Variants in DYSF observed in about 807,000 individuals in gnomAD.
The protein encoded by DYSF is dystrophy-associated fer-1-like 1.
A neutral mutation model predicts 274.9 loss-of-function variants in DYSF; 212 were observed. The observed-to-expected ratio is 0.77, with a 90% CI of 0.69 to 0.86. The LOEUF is 0.86. Ranked by LOEUF, DYSF falls within the 40% of genes least tolerant of loss-of-function variation. DYSF has a pLI of 0.00. For synonymous variants in DYSF, 1,091 were observed against 1,078.7 expected (o/e 1.01, Z -0.22); for missense variants, 2,666 against 2,783.2 (o/e 0.96, Z 0.95).
intron 42 of DYSF, among the ~76,000 whole-genome samples, chr2:71,646,195 A>G (rs183202281): frequency 1.3e-5 from 2 of 152,320 alleles, no homozygotes; most frequent in East Asian, 3.9e-4. Context: ...AAGAGACAGA[A>G]CTATTTGTGT....
chr2:71,575,159 G>A (rs1199423627), intron 30 of DYSF, among the ~76,000 whole-genome samples: 1 of 152,156 alleles, frequency 6.6e-6, no homozygotes, highest in Non-Finnish European at 1.5e-5. Context: ...GCACCTATCT[G>A]TAGGACAGCC....
chr2:71,579,162 C>T (rs532031971), intron 30 of DYSF, among the ~76,000 whole-genome samples: 5 of 152,256 alleles, frequency 3.3e-5, no homozygotes, highest in Admixed American at 6.5e-5. Flanking sequence ...CTGACGCCAC[C>T]GGCCTCTCTG....
intron 32 of DYSF, among the ~76,000 whole-genome samples, chr2:71,596,670 G>T (rs529941241): frequency 1.3e-5 from 2 of 152,262 alleles, no homozygotes; most frequent in Non-Finnish European, 2.9e-5. Context: ...AGGTAGGGGT[G>T]GGCAGTTCTC....
At chr2:71,679,803 A>G (rs1388581821) in intron 53 of DYSF, among the ~76,000 whole-genome samples, 1 of 152,224 alleles carries the variant, frequency 6.6e-6, no homozygotes, top group Non-Finnish European at 1.5e-5. Flanking sequence ...AGTGGTAACA[A>G]TAAGAAATAC....
Position 71,638,799 on chromosome 2 carries a change from A to G in DYSF, c.4528-5166A>G, listed in dbSNP as rs566052129. Among the ~76,000 whole-genome samples, 3 of 152,350 alleles carry G rather than the reference A, an allele frequency of 2.0e-5. No homozygotes were observed. The East Asian group carries it at 5.8e-4, about 29-fold the overall frequency. ...ATAATGCTGCTTTGAACATTCATGT[A>G]CAAGTTTTTGTGTAGACATAAGTTT... On this transcript the variant is annotated intron_variant, in intron 41 of 55. Transcript: ENST00000410020.
chr2:71,528,707 G>C (rs528707058), intron 14 of DYSF, among the ~76,000 whole-genome samples: 1 of 152,350 alleles, frequency 6.6e-6, no homozygotes, highest in Non-Finnish European at 1.5e-5. Flanking sequence ...GCAATAGCAT[G>C]GAAACCAGAC....
chr2:71,482,350 G>GACGC (rs1553509215), intron 3 of DYSF, among the ~76,000 whole-genome samples: 1 of 152,246 alleles, frequency 6.6e-6, no homozygotes, highest in Non-Finnish European at 1.5e-5. Flanking sequence ...CCCCCTGCAG[G>GACGC]AGGCAGGCAG....
intron 41 of DYSF, among the ~76,000 whole-genome samples, chr2:71,622,772 C>T (rs963486463): frequency 6.6e-6 from 1 of 152,130 alleles, no homozygotes; most frequent in African/African-American, 2.4e-5. Flanking sequence ...CCCACCACCG[C>T]ACTCTGTTAA....
In DYSF at chr2:71,554,279, A is replaced by G. The variant is rs543614174; in HGVS notation, c.2109+348A>G. Among the ~76,000 whole-genome samples the G allele has an allele frequency of 2.0e-5, 3 of 152,324 alleles. No homozygotes were observed. In the East Asian group the frequency reaches 5.8e-4, roughly 29 times the overall value. ...GGCCTTTGGACTCGTAATGCACACA[A>G]GGGCTTGTGCTAGAAACTTCTAGCC... On this transcript the variant is annotated intron_variant, in intron 21 of 55. Coordinates refer to ENST00000410020, the MANE Select transcript of DYSF (RefSeq NM_001130987.2).
intron 32 of DYSF, among the ~76,000 whole-genome samples, chr2:71,595,852 A>G (rs1429670341): frequency 6.6e-6 from 1 of 151,910 alleles, no homozygotes; most frequent in Non-Finnish European, 1.5e-5. Context: ...CACACGCAAA[A>G]CCCAGCCCCT....
rs916383711 is a variant in DYSF at position 71,681,234 on chromosome 2, G to A, written c.6173+124G>A. The A allele has an allele frequency of 1.7e-5, 15 of 858,348 alleles. No individual in the cohort carries two copies. In the African/African-American group the frequency reaches 1.8e-4, roughly 11 times the overall value. The allele number at this position is 858,348 out of a possible 1,614,324, so 53.2% of individuals were successfully genotyped here. A position where few individuals can be genotyped will look rare whatever the true frequency, so the allele number is the denominator to read the frequency against. On this transcript the variant is annotated intron_variant, in intron 54 of 55. Transcript: ENST00000410020. ...GCCCACGTGGCTCAGAGAGGGGCAC[G>A]ACTCATCCAAGGCCACACAGTAAGT...
intron 4 of DYSF, 49 bp from the exon 5 acceptor site, chr2:71,511,758 G>A (rs2086115800): frequency 9.0e-7 from 1 of 1,113,720 alleles, no homozygotes; most frequent in Admixed American, 2.0e-5. Flanking sequence ...GGAGGGCAGT[G>A]GTCCGAGGCC....
rs377735262 is a variant in DYSF, at chr2:71,551,631, C to T, written c.1717C>T (p.Arg573Trp). The change falls in exon 19 of 56, where the codon CGG becomes TGG. Residue 573 changes from arginine (R) to tryptophan (W), a missense_variant. Physicochemically the swap from Arg to Trp is moderately radical, Grantham distance 101. This residue lies in a region of DYSF where 794 missense variants were observed against 777.1 expected (regional missense o/e 1.02). Coordinates refer to ENST00000410020, the MANE Select transcript of DYSF (RefSeq NM_001130987.2). ...GKGEGVAYRG[R>W]LLLSLETKLV... ...GGGGGAAGGTGTGGCTTATCGTGGCCGGCTTCTGCTCTCCCTGGAGACCAA... is the reference window on the plus strand; with the variant it reads ...GGGGGAAGGTGTGGCTTATCGTGGCTGGCTTCTGCTCTCCCTGGAGACCAA... 55 of 1,608,660 alleles carry T rather than the reference C, an allele frequency of 3.4e-5. No individual in the cohort carries two copies. The highest frequency in any genetic ancestry group is 4.5e-5 in the South Asian group (4 of 89,452).
In DYSF at chr2:71,570,606, G is replaced by C. The variant is rs1167647963; in HGVS notation, c.3093G>C (p.Glu1031Asp). 1 of 1,613,878 alleles carries C rather than the reference G, an allele frequency of 6.2e-7. No individual in the cohort carries two copies. Among genetic ancestry groups the C allele is most frequent in the Admixed American group, 1.7e-5 (1 of 59,966 alleles). The change falls in exon 29 of 56, where the codon GAG becomes GAC. Residue 1031 changes from glutamate to aspartate, a missense_variant. By Grantham distance (45) the Glu-to-Asp change is conservative (BLOSUM62 2). Transcript: ENST00000410020. ...CGGTTCCCCCTCCCCCAGGCTGGGAGTATAGCATCACCATCCCCCCGGAGC... is the reference window on the plus strand; with the variant it reads ...CGGTTCCCCCTCCCCCAGGCTGGGACTATAGCATCACCATCCCCCCGGAGC... Reference protein sequence around the residue: ...LNRAVDEQGWEYSITIPPERK... With the variant: ...LNRAVDEQGWDYSITIPPERK...
chr2:71,456,751 G>A (rs1283294220), intron 1 of DYSF, among the ~76,000 whole-genome samples: 1 of 152,078 alleles, frequency 6.6e-6, no homozygotes, highest in Non-Finnish European at 1.5e-5. Context: ...GCCTGGCCAA[G>A]GTCACATAGT....
intron 55 of DYSF, among the ~76,000 whole-genome samples, chr2:71,685,509 T>G (rs925725957): frequency 2.6e-5 from 4 of 152,186 alleles, no homozygotes; most frequent in Admixed American, 2.6e-4. Context: ...CTGGTGACCC[T>G]CACCTGGCTT....
chr2:71,672,195 A>ACAGAAACTGGCTTGGCCGAAGGCAGAGC (rs2095137038), intron 51 of DYSF, among the ~76,000 whole-genome samples: 1 of 151,386 alleles, frequency 6.6e-6, no homozygotes, highest in Non-Finnish European at 1.5e-5. Context: ...GAAGGCGGAG[A>ACAGAAACTGGCTTGGCCGAAGGCAGAGC]CAGAAACTGG....
chr2:71,537,667 T>G (rs1465642565), intron 16 of DYSF, among the ~76,000 whole-genome samples: 1 of 152,140 alleles, frequency 6.6e-6, no homozygotes, highest in Non-Finnish European at 1.5e-5. Context: ...CTTAATCACC[T>G]CCCTGGGAAA....
At chr2:71,671,413 CAG>C (rs2095119067) in intron 51 of DYSF, among the ~76,000 whole-genome samples, 1 of 152,372 alleles carries the variant, frequency 6.6e-6, no homozygotes, top group Admixed American at 6.5e-5. Flanking sequence ...CTGCTGCAGA[CAG>C]AGGGAGAGGG....
Sources: gnomAD v4.1 joint callset for allele counts (sites outside exome capture counted in the v4.1 genomes callset) on GRCh38, gnomAD v4.1.1 for gene constraint, gnomAD v4.1.1 regional missense constraint, MANE v1.5 for transcripts, NCBI Gene and HGNC (gene_info 2026-07-23, HGNC 2026-07-21) for gene names.